The following PARD3 variants were observed in gnomAD, a reference collection of about 807,000 sequenced individuals.
PARD3 encodes partitioning defective 3 homolog.
In PARD3, 75 loss-of-function variants were observed where a neutral mutation model predicts 155.4. The ratio of observed to expected loss-of-function variants is 0.48; its 90% CI spans 0.40 to 0.58. The LOEUF (loss-of-function observed/expected upper bound fraction) is 0.58, where lower values mean the gene tolerates loss of function less well. PARD3 is among the 20% of genes least tolerant of loss of function. The pLI is 0.00. For synonymous variants in PARD3, 576 were observed against 610.5 expected (o/e 0.94, Z 0.83); for missense variants, 1,642 against 1,721.7 (o/e 0.95, Z 0.82).
In PARD3 at chr10:34,119,726, C is replaced by T. The variant is rs768212493; in HGVS notation, c.3555G>A (p.Pro1185=). Residue 1185 remains proline, a synonymous_variant, in exon 24 of 25, where the codon CCG becomes CCA. Coordinates refer to ENST00000374788, the MANE Select transcript of PARD3 (RefSeq NM_001184785.2). ...CCGAGTGTCGCCCGCTCTGCGTCGC[C>T]GGCCGTGCGTTCGGCTGGAAGAGGA... ...SFEQPWPNAR[P]ATQSGRHSVS... The T allele has an allele frequency of 8.2e-5, 132 of 1,611,430 alleles. 8 individuals carry two copies. The South Asian group carries it at 1.3e-3, about 16-fold the overall frequency.
At chr10:34,593,694 C>A (rs1310478103) in intron 2 of PARD3, among the ~76,000 whole-genome samples, 23 of 152,090 alleles carry the variant, frequency 1.5e-4, no homozygotes, top group Admixed American at 1.4e-3. Flanking sequence ...CAGAGATTAC[C>A]CAGACAGGGG....
intron 16 of PARD3, among the ~76,000 whole-genome samples, chr10:34,338,067 T>C (rs1805074474): frequency 6.6e-6 from 1 of 152,246 alleles, no homozygotes; most frequent in South Asian, 2.1e-4. Flanking sequence ...CCCTGTACTC[T>C]ATGAGCTCAT....
At chr10:34,656,201 T>TCTC (rs1044490467) in intron 2 of PARD3, among the ~76,000 whole-genome samples, 2 of 152,184 alleles carry the variant, frequency 1.3e-5, no homozygotes, top group African/African-American at 4.8e-5. Context: ...TTAATGGGCT[T>TCTC]CTCTTAGCTT....
intron 5 of PARD3, among the ~76,000 whole-genome samples, chr10:34,436,487 T>C (rs1355991974): frequency 6.6e-6 from 1 of 152,244 alleles, no homozygotes; most frequent in Non-Finnish European, 1.5e-5. Flanking sequence ...TCTTGGGCAT[T>C]GCTAGTGGAG....
At chr10:34,689,040 A>G (rs894443872) in intron 2 of PARD3, among the ~76,000 whole-genome samples, 5 of 152,168 alleles carry the variant, frequency 3.3e-5, no homozygotes, top group African/African-American at 1.2e-4. Context: ...CAGAGATCCT[A>G]TTTCCCAGGC....
At position 34,360,200 on chromosome 10, in the gene PARD3, A is replaced by T. The variant is rs1839309998; in HGVS notation, c.1767T>A (p.Phe589Leu). Residue 589 changes from phenylalanine (F) to leucine (L), a missense_variant, in exon 13 of 25, where the codon TTT (phenylalanine) becomes TTA (leucine). By Grantham distance (22) the Phe-to-Leu change is conservative. This residue lies in a region of PARD3 where 1,529 missense variants were observed against 1,587.3 expected (regional missense o/e 0.96). Transcript: ENST00000374788. ...ATCCTGAATCATTAAGTGGGACTTC[A>T]AATGTCAGAAATTCCCTGGTGCCAT... ...TPDGTREFLT[F>L]EVPLNDSGSA... The T allele has an allele frequency of 6.2e-7, 1 of 1,613,852 alleles. No homozygotes were observed. The highest frequency in any genetic ancestry group is 8.5e-7 in the Non-Finnish European group (1 of 1,179,828).
At chr10:34,157,729 A>G (rs1949076982) in intron 22 of PARD3, among the ~76,000 whole-genome samples, 1 of 152,210 alleles carries the variant, frequency 6.6e-6, no homozygotes, top group South Asian at 2.1e-4. Context: ...CCTATTCCCA[A>G]TGACACATGC....
intron 3 of PARD3, among the ~76,000 whole-genome samples, chr10:34,475,056 C>A (rs1206151084): frequency 6.6e-6 from 1 of 152,148 alleles, no homozygotes; most frequent in Non-Finnish European, 1.5e-5. Flanking sequence ...CAGTGATTCC[C>A]AAACTCTGAT....
chr10:34,758,188 T>C (rs1836986896), intron 1 of PARD3, among the ~76,000 whole-genome samples: 1 of 152,222 alleles, frequency 6.6e-6, no homozygotes, highest in Non-Finnish European at 1.5e-5. Flanking sequence ...TGAGAAAAGC[T>C]AGGATAAACA....
intron 1 of PARD3, among the ~76,000 whole-genome samples, chr10:34,793,502 G>A (rs551608869): frequency 7.7e-4 from 117 of 152,260 alleles, no homozygotes; most frequent in Middle Eastern, 3.4e-3. Context: ...TTTACTCTGG[G>A]AAGGCTGGGC....
chr10:34,515,513 T>C (rs1329689623), intron 3 of PARD3, among the ~76,000 whole-genome samples: 5 of 152,214 alleles, frequency 3.3e-5, no homozygotes, highest in Admixed American at 6.5e-5. Context: ...CGCAATCCTC[T>C]AGAGCATCAC....
chr10:34,787,439 G>C (rs1479692990), intron 1 of PARD3, among the ~76,000 whole-genome samples: 2 of 152,148 alleles, frequency 1.3e-5, no homozygotes, highest in African/African-American at 4.8e-5. Flanking sequence ...GTACTAATCA[G>C]ATAACCAGAT....
intron 2 of PARD3, among the ~76,000 whole-genome samples, chr10:34,559,705 G>A (rs1229810442): frequency 2.6e-5 from 4 of 151,826 alleles, no homozygotes; most frequent in Admixed American, 2.6e-4. Context: ...AATAAATGGA[G>A]TTACTCACCC....
intron 1 of PARD3, among the ~76,000 whole-genome samples, chr10:34,810,053 A>G (rs548792608): frequency 6.6e-6 from 1 of 152,332 alleles, no homozygotes; most frequent in Admixed American, 6.5e-5. Flanking sequence ...CCACCAAAAA[A>G]GCACATTTTC....
chr10:34,456,345 G>A (rs2077339826), intron 4 of PARD3, among the ~76,000 whole-genome samples: 1 of 152,018 alleles, frequency 6.6e-6, no homozygotes. Flanking sequence ...GGCCCAGGCT[G>A]GAGTGCAGTG....
rs770353940 is a variant in PARD3, at chr10:34,269,902, A to G, written c.3177-3T>C. Reference sequence around the variant, plus strand: ...ATTCTCGAGTTTTGGCTTGAATCCTATGAAATCAGAACAAAGTTGAAATAA... The same window carrying G: ...ATTCTCGAGTTTTGGCTTGAATCCTGTGAAATCAGAACAAAGTTGAAATAA... On this transcript the variant is annotated splice_polypyrimidine_tract_variant and splice_region_variant and intron_variant, in intron 21 of 24. Transcript: ENST00000374788. The G allele has an allele frequency of 9.9e-6, 16 of 1,612,900 alleles. No homozygotes were observed. The highest frequency in any genetic ancestry group is 4.0e-5 in the African/African-American group (3 of 74,856).
rs1363539876 is a variant in PARD3 at position 34,334,364 on chromosome 10, A to AG, written c.2605+1834dup. Among the ~76,000 whole-genome samples, 5 of 142,874 alleles carry AG rather than the reference A, an allele frequency of 3.5e-5. No homozygotes were observed. The Admixed American group carries it at 3.5e-4, about 10-fold the overall frequency. The allele number at this position is 142,874 out of a possible 152,430, so 93.7% of individuals were successfully genotyped here. A position where few individuals can be genotyped will look rare whatever the true frequency, so the allele number is the denominator to read the frequency against. On this transcript the variant is annotated intron_variant, in intron 18 of 24. Coordinates refer to ENST00000374788, the MANE Select transcript of PARD3 (RefSeq NM_001184785.2). The stretch of plus-strand genomic sequence containing the variant: ...CTCTTGCCAAAAAAAAAAAAAAAAA[A>AG]GAAAGGAAAGGATGTCTTTTGCAAG...
At chr10:34,704,597 A>G (rs1407817348) in intron 1 of PARD3, among the ~76,000 whole-genome samples, 1 of 152,196 alleles carries the variant, frequency 6.6e-6, no homozygotes, top group Non-Finnish European at 1.5e-5. Context: ...CAAACGAGAT[A>G]AGCAATTTAC....
chr10:34,639,631 G>A (rs1305314495), intron 2 of PARD3, among the ~76,000 whole-genome samples: 2 of 152,120 alleles, frequency 1.3e-5, no homozygotes, highest in Admixed American at 6.5e-5. Context: ...GCCAAAGCAG[G>A]AGGACTGCTA....
Sources: allele counts gnomAD v4.1 joint callset (sites outside exome capture counted in the v4.1 genomes callset), GRCh38; gene constraint gnomAD v4.1.1; regional missense constraint gnomAD v4.1.1; transcripts MANE v1.5; gene names NCBI Gene and HGNC (gene_info 2026-07-23, HGNC 2026-07-21).